The following GPHN variants were observed in gnomAD, a reference collection of about 807,000 sequenced individuals.
The protein encoded by GPHN is gephyrin.
A neutral mutation model predicts 95.5 loss-of-function variants in GPHN; 17 were observed. The ratio of observed to expected loss-of-function variants is 0.18; its 90% CI spans 0.12 to 0.27. The LOEUF (loss-of-function observed/expected upper bound fraction) is 0.27, where lower values mean the gene tolerates loss of function less well. GPHN is among the 10% of genes least tolerant of loss of function. The pLI is 1.00. For synonymous variants in GPHN, 320 were observed against 322.5 expected (o/e 0.99, Z 0.08); for missense variants, 660 against 978.1 (o/e 0.67, Z 4.34).
chr14:67,651,037 C>T, the GPHN span: 2 of 1,122,360 alleles, frequency 1.8e-6, no homozygotes, highest in South Asian at 1.5e-5. Context: ...AGAACATTTA[C>T]ACATTCTCAC....
At chr14:67,564,696 T>C in the GPHN span, among the ~76,000 whole-genome samples, 5 of 151,374 alleles carry the variant, frequency 3.3e-5, no homozygotes, top group East Asian at 9.7e-4. Context: ...CTTTTCCTTT[T>C]TTTTTTTTGA....
intron 3 of GPHN, among the ~76,000 whole-genome samples, chr14:66,813,222 A>C (rs958059810): frequency 7.2e-5 from 11 of 152,224 alleles, no homozygotes; most frequent in African/African-American, 2.7e-4. Context: ...TTTATAGTTG[A>C]ATTCAAACAA....
the GPHN span, among the ~76,000 whole-genome samples, chr14:67,253,150 A>T: frequency 6.6e-6 from 1 of 152,240 alleles, no homozygotes; most frequent in Non-Finnish European, 1.5e-5. Context: ...AGGTTAACTT[A>T]TCAAAGCCTG....
At chr14:66,589,319 C>T (rs2061545995) in intron 1 of GPHN, among the ~76,000 whole-genome samples, 1 of 152,102 alleles carries the variant, frequency 6.6e-6, no homozygotes, top group South Asian at 2.1e-4. Flanking sequence ...GAAGAAACCG[C>T]ATCAGCTAAT....
At chr14:67,342,925 A>C in the GPHN span, among the ~76,000 whole-genome samples, 1 of 152,180 alleles carries the variant, frequency 6.6e-6, no homozygotes, top group Admixed American at 6.5e-5. Flanking sequence ...GAAATAAAAG[A>C]GATGGAAAAT....
intron 1 of GPHN, among the ~76,000 whole-genome samples, chr14:66,633,281 A>G (rs985481665): frequency 2.0e-5 from 3 of 152,198 alleles, no homozygotes; most frequent in Non-Finnish European, 4.4e-5. Flanking sequence ...TAAGAAAAAC[A>G]GCACAATTTG....
At chr14:66,956,405 T>A (rs577085477) in intron 8 of GPHN, among the ~76,000 whole-genome samples, 2 of 152,322 alleles carry the variant, frequency 1.3e-5, no homozygotes, top group African/African-American at 4.8e-5. Flanking sequence ...CACCCAGTAA[T>A]GGGATGGCTG....
At chr14:67,009,742 AAT>A (rs2072854671) in intron 9 of GPHN, among the ~76,000 whole-genome samples, 1 of 152,018 alleles carries the variant, frequency 6.6e-6, no homozygotes, top group South Asian at 2.1e-4. Context: ...TGGCATTTTC[AAT>A]GAGAGTTTCT....
intron 1 of GPHN, among the ~76,000 whole-genome samples, chr14:66,590,044 G>A (rs1428844261): frequency 2.6e-5 from 4 of 152,198 alleles, no homozygotes; most frequent in East Asian, 1.9e-4. Context: ...GCGTAACTAC[G>A]TGGAAACTGA....
the GPHN span, among the ~76,000 whole-genome samples, chr14:67,502,514 A>C: frequency 7.2e-6 from 1 of 138,882 alleles, no homozygotes; most frequent in Non-Finnish European, 1.5e-5. Flanking sequence ...GTGCAATGGC[A>C]TGATCTCAGC....
the GPHN span, among the ~76,000 whole-genome samples, chr14:67,523,053 G>A: frequency 2.0e-5 from 3 of 152,160 alleles, no homozygotes; most frequent in Non-Finnish European, 2.9e-5. Flanking sequence ...GGCTGGGCGC[G>A]GTGGCTCATG....
chr14:66,994,426 C>T (rs976438371), intron 9 of GPHN, among the ~76,000 whole-genome samples: 3 of 151,840 alleles, frequency 2.0e-5, no homozygotes, highest in South Asian at 2.1e-4. Flanking sequence ...AAAAAAAAAT[C>T]TCATGATATT....
intron 3 of GPHN, among the ~76,000 whole-genome samples, chr14:66,790,891 A>T (rs987173016): frequency 6.6e-6 from 1 of 152,222 alleles, no homozygotes; most frequent in Non-Finnish European, 1.5e-5. Flanking sequence ...ATAATTTTGT[A>T]CATGCCTAAT....
chr14:67,198,555 T>C, the GPHN span, among the ~76,000 whole-genome samples: 378 of 152,354 alleles, frequency 2.5e-3, 1 homozygote, highest in African/African-American at 8.8e-3. Context: ...TCTACCATAA[T>C]TGCCATTCCA....
chr14:66,776,993 C>A (rs780161680), intron 3 of GPHN, among the ~76,000 whole-genome samples: 1 of 151,690 alleles, frequency 6.6e-6, no homozygotes, highest in Non-Finnish European at 1.5e-5. Flanking sequence ...CCCACTAACT[C>A]GTCATCTAGC....
the GPHN span, among the ~76,000 whole-genome samples, chr14:67,708,803 T>C: frequency 2.0e-5 from 3 of 151,234 alleles, no homozygotes; most frequent in African/African-American, 7.3e-5. Context: ...CCTTTTTTTT[T>C]TTTTTTTTGA....
the GPHN span, among the ~76,000 whole-genome samples, chr14:67,701,340 A>G: frequency 6.6e-6 from 1 of 151,748 alleles, no homozygotes; most frequent in South Asian, 2.1e-4. Context: ...CTCAATCTTT[A>G]GAAACACTTA....
chr14:67,278,701 A>G, the GPHN span, among the ~76,000 whole-genome samples: 1 of 152,214 alleles, frequency 6.6e-6, no homozygotes, highest in Non-Finnish European at 1.5e-5. Context: ...GAAGCAAGCA[A>G]CGTGTTCTCT....
the GPHN span, among the ~76,000 whole-genome samples, chr14:67,694,433 T>G: frequency 2.3e-5 from 3 of 132,586 alleles, no homozygotes; most frequent in African/African-American, 8.1e-5. Flanking sequence ...GCTCCTGGAA[T>G]ATATATATAT....
Sources: gnomAD v4.1 joint callset for allele counts (sites outside exome capture counted in the v4.1 genomes callset) on GRCh38, gnomAD v4.1.1 for gene constraint, MANE v1.5 for transcripts, NCBI Gene and HGNC (gene_info 2026-07-23, HGNC 2026-07-21) for gene names.